The following DOCK3 variants were observed in gnomAD, a reference collection of about 807,000 sequenced individuals.
DOCK3 encodes dedicator of cytokinesis protein 3.
Under a neutral mutation model 265.6 loss-of-function variants are expected in DOCK3, and 60 were observed. The observed-to-expected ratio is 0.23, with a 90% CI of 0.18 to 0.28. The LOEUF is 0.28. DOCK3 is among the 10% of genes least tolerant of loss of function. DOCK3 has a pLI of 1.00. For synonymous variants in DOCK3, 881 were observed against 938.0 expected, an observed-to-expected ratio of 0.94 and a Z score of 1.11; for missense variants, 1,981 against 2,594.3, an observed-to-expected ratio of 0.76 and a Z score of 5.14.
intron 14 of DOCK3, among the ~76,000 whole-genome samples, chr3:51,219,553 C>T (rs1175529612): frequency 6.6e-6 from 1 of 152,138 alleles, no homozygotes. Flanking sequence ...TCTTAACAAG[C>T]TTAAGGTGTA....
At position 51,032,376 on chromosome 3, in the gene DOCK3, T is replaced by C. The variant is rs568128354; in HGVS notation, c.316-32072T>C. Among the ~76,000 whole-genome samples the C allele has an allele frequency of 2.0e-5, 3 of 152,300 alleles. No individual in the cohort carries two copies. The South Asian group carries it at 6.2e-4, about 32-fold the overall frequency. On this transcript the variant is annotated intron_variant, in intron 5 of 52. Coordinates refer to ENST00000266037, the MANE Select transcript of DOCK3 (RefSeq NM_004947.5). Reference sequence around the variant, plus strand: ...ATTGATACACTACTAAACTTTTTTATTGAGAAATAATTTACATAGACTATA... The same window carrying C: ...ATTGATACACTACTAAACTTTTTTACTGAGAAATAATTTACATAGACTATA...
At chr3:50,904,999 A>G (rs2049405469) in intron 4 of DOCK3, among the ~76,000 whole-genome samples, 1 of 151,984 alleles carries the variant, frequency 6.6e-6, no homozygotes, top group Non-Finnish European at 1.5e-5. Context: ...GTTTTCCCAG[A>G]ACCGTTTGTT....
At chr3:50,919,665 T>A (rs1030228155) in intron 4 of DOCK3, among the ~76,000 whole-genome samples, 5 of 152,030 alleles carry the variant, frequency 3.3e-5, no homozygotes, top group Non-Finnish European at 2.9e-5. Context: ...GATGATAGGG[T>A]TTTCTAACTA....
At chr3:50,892,806 A>C (rs1349837106) in intron 4 of DOCK3, among the ~76,000 whole-genome samples, 3 of 152,110 alleles carry the variant, frequency 2.0e-5, no homozygotes, top group African/African-American at 7.2e-5. Context: ...ATTTCAATGC[A>C]TCACTCTAGA....
At chr3:51,133,200 A>C (rs1036648448) in intron 9 of DOCK3, among the ~76,000 whole-genome samples, 3 of 152,122 alleles carry the variant, frequency 2.0e-5, no homozygotes, top group African/African-American at 7.2e-5. Context: ...GTTCTAGGGT[A>C]CATGTGCACA....
intron 2 of DOCK3, among the ~76,000 whole-genome samples, chr3:50,830,873 A>T (rs2045101544): frequency 6.6e-6 from 1 of 152,230 alleles, no homozygotes; most frequent in Non-Finnish European, 1.5e-5. Flanking sequence ...CAGGCAGAGC[A>T]GCCCTCCTGG....
At chr3:50,747,313 A>G (rs924026495) in intron 1 of DOCK3, among the ~76,000 whole-genome samples, 5 of 152,158 alleles carry the variant, frequency 3.3e-5, no homozygotes, top group African/African-American at 9.7e-5. Flanking sequence ...CTGCATTTCC[A>G]TATGAATTTT....
chr3:50,970,718 T>A (rs2077173049), intron 5 of DOCK3, among the ~76,000 whole-genome samples: 1 of 145,932 alleles, frequency 6.9e-6, no homozygotes, highest in Non-Finnish European at 1.5e-5. Context: ...TTCTTAGATC[T>A]CATTGAGCCT....
chr3:51,242,697 G>C (rs960519447), intron 21 of DOCK3, among the ~76,000 whole-genome samples: 2 of 152,076 alleles, frequency 1.3e-5, no homozygotes, highest in Non-Finnish European at 2.9e-5. Flanking sequence ...TTAGAGCAAG[G>C]GTGGGGCACT....
chr3:50,803,270 A>G (rs1297068113), intron 2 of DOCK3, among the ~76,000 whole-genome samples: 4 of 152,014 alleles, frequency 2.6e-5, no homozygotes, highest in East Asian at 1.9e-4. Flanking sequence ...GGGAGTGGTG[A>G]TGACTCTTAA....
intron 1 of DOCK3, among the ~76,000 whole-genome samples, chr3:50,698,049 A>G (rs182784212): frequency 2.6e-5 from 4 of 152,284 alleles, no homozygotes; most frequent in Admixed American, 2.6e-4. Context: ...CCATATAGTT[A>G]AGTCTTTAAA....
chr3:50,832,876 C>T (rs137955780), intron 2 of DOCK3, among the ~76,000 whole-genome samples: 111 of 152,066 alleles, frequency 7.3e-4, no homozygotes, highest in African/African-American at 2.6e-3. Flanking sequence ...TGTCGAGGGC[C>T]GTTCATAGCT....
At position 50,803,056 on chromosome 3, in the gene DOCK3, G is replaced by GTATTTATT. The variant is rs546247727; in HGVS notation, c.121+24320_121+24327dup. On this transcript the variant is annotated intron_variant, in intron 2 of 52. Transcript: ENST00000266037. The stretch of plus-strand genomic sequence containing the variant: ...TTTTTTTAAGATTTTATGTATTTAT[G>GTATTTATT]TATTTATTTATTTATTTATTTATTT... Among the ~76,000 whole-genome samples the GTATTTATT allele has an allele frequency of 1.8e-3, 266 of 147,962 alleles. 1 individual carries two copies. The highest frequency in any genetic ancestry group is 6.1e-3 in the African/African-American group (247 of 40,188).
chr3:50,793,546 C>T (rs1220907370), intron 2 of DOCK3, among the ~76,000 whole-genome samples: 2 of 151,636 alleles, frequency 1.3e-5, no homozygotes, highest in South Asian at 2.1e-4. Flanking sequence ...TTAGTAGAGA[C>T]GGGATTTCGC....
intron 27 of DOCK3, among the ~76,000 whole-genome samples, chr3:51,296,667 G>A (rs1366804269): frequency 4.0e-5 from 6 of 151,784 alleles, no homozygotes; most frequent in Non-Finnish European, 7.4e-5. Flanking sequence ...TAGTAGAGAT[G>A]GGGTTTCACT....
chr3:50,904,041 T>G (rs1000800904), intron 4 of DOCK3, among the ~76,000 whole-genome samples: 4 of 152,216 alleles, frequency 2.6e-5, no homozygotes, highest in African/African-American at 7.2e-5. Flanking sequence ...TACAATAGTT[T>G]GCTGAGAATG....
At chr3:50,764,256 A>G (rs2040719186) in intron 1 of DOCK3, among the ~76,000 whole-genome samples, 2 of 152,324 alleles carry the variant, frequency 1.3e-5, no homozygotes, top group South Asian at 4.1e-4. Context: ...TAAATACTAC[A>G]GAAGCTGTAT....
At chr3:51,132,112 C>T (rs2084584237) in intron 9 of DOCK3, among the ~76,000 whole-genome samples, 1 of 152,172 alleles carries the variant, frequency 6.6e-6, no homozygotes, top group Non-Finnish European at 1.5e-5. Flanking sequence ...AGTGGACCAT[C>T]TTTTAATCCA....
At chr3:51,295,716 A>C in intron 27 of DOCK3, among the ~76,000 whole-genome samples, 1 of 151,432 alleles carries the variant, frequency 6.6e-6, no homozygotes, top group South Asian at 2.1e-4. Context: ...AACAAGGGCA[A>C]GATGTGTGCT....
Sources: gnomAD v4.1 joint callset for allele counts (sites outside exome capture counted in the v4.1 genomes callset) on GRCh38, gnomAD v4.1.1 for gene constraint, MANE v1.5 for transcripts, NCBI Gene and HGNC (gene_info 2026-07-23, HGNC 2026-07-21) for gene names.